Variants in MBTD1 observed in about 807,000 individuals in gnomAD.
The protein encoded by MBTD1 is mbt domain containing 1.
MBTD1 carries 24 observed loss-of-function variants against 87.8 expected under a neutral mutation model. The observed-to-expected ratio is 0.27, with a 90% CI of 0.20 to 0.38. The LOEUF (loss-of-function observed/expected upper bound fraction) is 0.38, where lower values mean the gene tolerates loss of function less well. Ranked by LOEUF, MBTD1 falls within the 10% of genes least tolerant of loss-of-function variation. The probability of loss-of-function intolerance (pLI) is 1.00; values close to 1 mark genes in which losing one functional copy is unlikely to be tolerated. For synonymous variants in MBTD1, 237 were observed against 248.6 expected, an observed-to-expected ratio of 0.95 and a Z score of 0.44; for missense variants, 436 against 760.2, an observed-to-expected ratio of 0.57 and a Z score of 5.02.
chr17:51,228,222 G>A (rs1330855141), intron 2 of MBTD1, among the ~76,000 whole-genome samples: 2 of 152,150 alleles, frequency 1.3e-5, no homozygotes, highest in East Asian at 3.9e-4. Flanking sequence ...CCTATTGGAG[G>A]GTAGAGGGTG....
At chr17:51,224,435 G>T (rs1568202414) in intron 3 of MBTD1, among the ~76,000 whole-genome samples, 6 of 152,096 alleles carry the variant, frequency 3.9e-5, no homozygotes, top group Admixed American at 3.9e-4. Flanking sequence ...CAGAAGCAAA[G>T]TTAAAAAGGC....
At chr17:51,192,352 A>T in intron 15 of MBTD1, 72 bp from the exon 16 acceptor site, 1 of 986,558 alleles carries the variant, frequency 1.0e-6, no homozygotes, top group Non-Finnish European at 1.6e-6. Flanking sequence ...GTCTAGATAC[A>T]ACTTATATGA....
intron 16 of MBTD1, among the ~76,000 whole-genome samples, chr17:51,182,994 G>C (rs1166947521): frequency 6.6e-6 from 1 of 151,874 alleles, no homozygotes; most frequent in African/African-American, 2.4e-5. Context: ...TCACCATGTT[G>C]GTCAGGCTGG....
chr17:51,216,343 T>C (rs2052568291), intron 6 of MBTD1, among the ~76,000 whole-genome samples: 1 of 152,232 alleles, frequency 6.6e-6, no homozygotes, highest in Non-Finnish European at 1.5e-5. Context: ...AAGTATTAAT[T>C]AAAGTTGTAG....
Position 51,180,510 on chromosome 17 carries a change from C to A in MBTD1, c.*66G>T. 1.3e-6 allele frequency: 1 copy of A among 755,624 alleles called. No homozygotes were observed. The highest frequency in any genetic ancestry group is 2.7e-5 in the Admixed American group (1 of 37,324). 46.8% of individuals were successfully genotyped at this position (755,624 alleles called of 1,614,324 possible). ...CCCAGTAGAGTAGCCCCCTGTACAG[C>A]TGGATTGATTATAAATCAGTCCTGT... On this transcript the variant is annotated 3_prime_UTR_variant, in exon 17 of 17. Transcript: ENST00000586178.
intron 2 of MBTD1, among the ~76,000 whole-genome samples, chr17:51,246,705 G>A (rs1228151384): frequency 3.3e-5 from 5 of 152,008 alleles, no homozygotes; most frequent in African/African-American, 1.2e-4. Context: ...GTGCAATCTC[G>A]GCTCACTGCA....
chr17:51,259,993 A>T lies in MBTD1; in HGVS notation c.-271T>A. ...CTGGGCCCAGACCGGTGGCGGGTGC[A>T]GCAGCCCCCGGATTTCCCCCCTTTA... On this transcript the variant is annotated 5_prime_UTR_variant, in exon 1 of 17. Coordinates refer to ENST00000586178, the MANE Select transcript of MBTD1 (RefSeq NM_017643.3). 1.5e-6 allele frequency: 1 copy of T among 645,808 alleles called. No homozygotes were observed. Among genetic ancestry groups the T allele is most frequent in the Non-Finnish European group, 2.2e-6 (1 of 453,014 alleles). The allele number at this position is 645,808 out of a possible 1,614,324, so 40.0% of individuals were successfully genotyped here. A position where few individuals can be genotyped will look rare whatever the true frequency, so the allele number is the denominator to read the frequency against.
chr17:51,259,132 A>G lies in MBTD1; in HGVS notation c.-49+11T>C, dbSNP rs1361610583. ...GCTTTTAGGGGTGTAAGCAGGGTTC[A>G]GACTACCTACCACTTGTCAGAGAGG... On this transcript the variant is annotated intron_variant, in intron 2 of 16. Coordinates refer to ENST00000586178, the MANE Select transcript of MBTD1 (RefSeq NM_017643.3). The G allele has an allele frequency of 3.6e-6, 2 of 548,980 alleles. No individual in the cohort carries two copies. The highest frequency in any genetic ancestry group is 4.4e-5 in the Admixed American group (1 of 22,930). The allele number at this position is 548,980 out of a possible 1,614,324, so 34.0% of individuals were successfully genotyped here. A position where few individuals can be genotyped will look rare whatever the true frequency, so the allele number is the denominator to read the frequency against.
At chr17:51,227,493 C>T (rs989251893) in intron 2 of MBTD1, among the ~76,000 whole-genome samples, 22 of 150,820 alleles carry the variant, frequency 1.5e-4, no homozygotes, top group African/African-American at 5.4e-4. Flanking sequence ...CTCAGGAGGT[C>T]GAGGCTGCAG....
intron 2 of MBTD1, among the ~76,000 whole-genome samples, chr17:51,243,658 T>C (rs965273344): frequency 1.3e-5 from 2 of 152,110 alleles, no homozygotes; most frequent in Non-Finnish European, 2.9e-5. Flanking sequence ...TAAAAAGTCG[T>C]ATCTATCTCT....
At chr17:51,198,011 T>C (rs1351282173) in intron 12 of MBTD1, among the ~76,000 whole-genome samples, 18 of 152,206 alleles carry the variant, frequency 1.2e-4, no homozygotes, top group Admixed American at 1.2e-3. Context: ...TCTACACCAG[T>C]GATTCCTAAA....
intron 2 of MBTD1, among the ~76,000 whole-genome samples, chr17:51,239,751 A>G (rs1227435429): frequency 6.6e-6 from 1 of 152,024 alleles, no homozygotes; most frequent in East Asian, 1.9e-4. Flanking sequence ...TGTCCCCTGG[A>G]AGCAAAAAAC....
rs2050185643 is a variant in MBTD1, at chr17:51,179,002, AAAAT to A, written c.*1570_*1573del. The stretch of plus-strand genomic sequence containing the variant: ...TCCCAAAAGTAGAGCAATATTTTAG[AAAAT>A]AAATTGCTGGTTTTTTTTAACGTTC... On this transcript the variant is annotated 3_prime_UTR_variant, in exon 17 of 17. Coordinates refer to ENST00000586178, the MANE Select transcript of MBTD1 (RefSeq NM_017643.3). 6.6e-6 allele frequency: 1 copy of A among 152,206 alleles called. No individual in the cohort carries two copies. The highest frequency in any genetic ancestry group is 1.5e-5 in the Non-Finnish European group (1 of 68,032). The allele number at this position is 152,206 out of a possible 1,614,324, so 9.4% of individuals were successfully genotyped here. A position where few individuals can be genotyped will look rare whatever the true frequency, so the allele number is the denominator to read the frequency against.
intron 2 of MBTD1, among the ~76,000 whole-genome samples, chr17:51,256,097 T>C (rs1248540535): frequency 6.6e-6 from 1 of 152,264 alleles, no homozygotes; most frequent in Non-Finnish European, 1.5e-5. Flanking sequence ...GAATTAAACA[T>C]AGTGAAAAAG....
chr17:51,214,055 GTA>G (rs1420870423), intron 6 of MBTD1, among the ~76,000 whole-genome samples: 4 of 151,910 alleles, frequency 2.6e-5, no homozygotes, highest in African/African-American at 2.4e-5. Flanking sequence ...GTGTATGTGT[GTA>G]TATATATGTA....
intron 2 of MBTD1, among the ~76,000 whole-genome samples, chr17:51,252,738 A>AC (rs1555700204): frequency 2.4e-3 from 368 of 151,636 alleles, no homozygotes; most frequent in African/African-American, 8.6e-3. Flanking sequence ...TGTCTCAAAA[A>AC]AAAACAAAAC....
chr17:51,260,546 G>A (rs769939760), upstream of MBTD1: 2 of 1,587,286 alleles, frequency 1.3e-6, no homozygotes, highest in Admixed American at 3.6e-5. Flanking sequence ...GCGCAGCGAG[G>A]TTCCACGTGA....
intron 2 of MBTD1, among the ~76,000 whole-genome samples, chr17:51,247,424 C>G (rs955531250): frequency 6.8e-6 from 1 of 146,848 alleles, no homozygotes; most frequent in Admixed American, 7.0e-5. Context: ...CTTGATCAGG[C>G]TAAGAAATCA....
rs1568136522 is a variant in MBTD1, at chr17:51,179,524, A to ATATTT, written c.*1051_*1052insAAATA. On this transcript the variant is annotated 3_prime_UTR_variant, in exon 17 of 17. Transcript: ENST00000586178. ...TATATATATATATATATATATATAT[A>ATATTT]TATATATATATATGGAATTTTAAGA... The ATATTT allele has an allele frequency of 2.8e-3, 298 of 107,972 alleles. 13 individuals are homozygous for ATATTT. The highest frequency in any genetic ancestry group is 9.2e-3 in the African/African-American group (287 of 31,270). The allele number at this position is 107,972 out of a possible 1,614,324, so 6.7% of individuals were successfully genotyped here.
Sources: allele counts gnomAD v4.1 joint callset (sites outside exome capture counted in the v4.1 genomes callset), GRCh38; gene constraint gnomAD v4.1.1; transcripts MANE v1.5; gene names NCBI Gene and HGNC (gene_info 2026-07-23, HGNC 2026-07-21).